Variants in SNTG1 observed in about 807,000 individuals in gnomAD.
SNTG1 encodes the protein gamma-1-syntrophin.
A neutral mutation model predicts 74.7 loss-of-function variants in SNTG1; 39 were observed. The observed-to-expected ratio is 0.52, with a 90% CI of 0.40 to 0.68. SNTG1 has a LOEUF of 0.68. Ranked by LOEUF, SNTG1 falls within the 30% of genes least tolerant of loss-of-function variation. The pLI is 0.00. For synonymous variants in SNTG1, 254 were observed against 217.1 expected (o/e 1.17, Z -1.49); for missense variants, 685 against 609.5 (o/e 1.12, Z -1.30).
At chr8:49,946,602 AT>A (rs994444842) in intron 1 of SNTG1, among the ~76,000 whole-genome samples, 46 of 151,768 alleles carry the variant, frequency 3.0e-4, no homozygotes, top group South Asian at 6.2e-4. Flanking sequence ...TAAAAAGCTG[AT>A]TTTTTTTTCT....
chr8:49,985,469 C>T (rs1389858159), intron 1 of SNTG1, among the ~76,000 whole-genome samples: 1 of 152,128 alleles, frequency 6.6e-6, no homozygotes, highest in African/African-American at 2.4e-5. Flanking sequence ...ATTGAAATCA[C>T]ATTTCTTATT....
At chr8:50,386,468 T>C (rs536659852) in intron 2 of SNTG1, among the ~76,000 whole-genome samples, 328 of 151,864 alleles carry the variant, frequency 2.2e-3, no homozygotes, top group Non-Finnish European at 3.8e-3. Context: ...CATACACCTG[T>C]GGTAGGGTAT....
At chr8:50,458,200 G>GAA (rs113453055) in intron 8 of SNTG1, 91,496 of 148,660 alleles carry the variant, frequency 0.62, 30,608 homozygotes, top group East Asian at 0.76. Context: ...GCTAAAACAG[G>GAA]AAAAAAAAAA....
chr8:50,695,317 T>TA (rs143459419), intron 15 of SNTG1, among the ~76,000 whole-genome samples: 4,201 of 151,856 alleles, frequency 0.028, 202 homozygotes, highest in African/African-American at 0.097. Flanking sequence ...ACCAATGTTT[T>TA]AAAAAAATCA....
At chr8:50,142,363 A>T (rs1229427615) in intron 1 of SNTG1, among the ~76,000 whole-genome samples, 1 of 152,022 alleles carries the variant, frequency 6.6e-6, no homozygotes, top group African/African-American at 2.4e-5. Flanking sequence ...AGCTATAAAC[A>T]AAGAAAAGTG....
intron 2 of SNTG1, among the ~76,000 whole-genome samples, chr8:50,365,236 C>A (rs1026719439): frequency 5.9e-5 from 9 of 152,076 alleles, no homozygotes; most frequent in African/African-American, 2.2e-4. Context: ...ATTGATTTTT[C>A]TCTTCAATGT....
chr8:50,704,857 A>T, intron 16 of SNTG1, 105 bp downstream of exon 16: 1 of 1,330,748 alleles, frequency 7.5e-7, no homozygotes, highest in Non-Finnish European at 1.0e-6. Flanking sequence ...CAGTTCTGGG[A>T]ATCTTGACCT....
At chr8:50,151,809 T>A (rs889160817) in intron 1 of SNTG1, among the ~76,000 whole-genome samples, 1 of 152,220 alleles carries the variant, frequency 6.6e-6, no homozygotes, top group East Asian at 1.9e-4. Context: ...TTACATTTGC[T>A]AAGGAGTGCT....
chr8:50,724,505 A>G (rs1317365963), intron 17 of SNTG1, among the ~76,000 whole-genome samples: 1 of 152,162 alleles, frequency 6.6e-6, no homozygotes, highest in East Asian at 1.9e-4. Flanking sequence ...GTCAAGCATT[A>G]TTTTTAAAAG....
chr8:50,099,655 A>G (rs941064203), intron 1 of SNTG1, among the ~76,000 whole-genome samples: 2 of 152,064 alleles, frequency 1.3e-5, no homozygotes, highest in Admixed American at 6.6e-5. Context: ...AGCATTTGCT[A>G]TCTTTTATCT....
At chr8:49,990,559 G>A (rs1473498474) in intron 1 of SNTG1, among the ~76,000 whole-genome samples, 1 of 152,006 alleles carries the variant, frequency 6.6e-6, no homozygotes, top group Admixed American at 6.5e-5. Flanking sequence ...AATACATAAT[G>A]TATTACAAAA....
At chr8:50,395,899 G>A (rs976588789) in intron 3 of SNTG1, among the ~76,000 whole-genome samples, 3 of 152,072 alleles carry the variant, frequency 2.0e-5, no homozygotes, top group Non-Finnish European at 4.4e-5. Flanking sequence ...GAGTAGTAAG[G>A]CATTCATTGA....
rs550824973 is a variant in SNTG1 at position 50,412,958 on chromosome 8, G to A, written c.162+10614G>A. On this transcript the variant is annotated intron_variant, in intron 4 of 18. Transcript: ENST00000642720. ...GGTTTTAGAGCGGTGTACAATGGAA[G>A]TTGAATTGAGACCAAAAAAGCTTAG... 3.3e-5 allele frequency among the ~76,000 whole-genome samples: 5 copies of A among 152,284 alleles called. No homozygotes were observed. The South Asian group carries it at 1.0e-3, about 32-fold the overall frequency.
chr8:50,438,359 T>C (rs1224752413), intron 4 of SNTG1, among the ~76,000 whole-genome samples, 184 bp from the exon 5 acceptor site: 3 of 152,206 alleles, frequency 2.0e-5, no homozygotes, highest in Non-Finnish European at 4.4e-5. Flanking sequence ...CAAGTAACCC[T>C]TTGATTTAAA....
chr8:50,036,571 C>T (rs77045309), intron 1 of SNTG1, among the ~76,000 whole-genome samples: 8,523 of 152,292 alleles, frequency 0.056, 324 homozygotes, highest in Middle Eastern at 0.1. Context: ...CTAGACGAGA[C>T]CTCCTGATGG....
In SNTG1 at chr8:50,192,541, T is replaced by G. The variant is rs372573994; in HGVS notation, c.-28+19906T>G. On this transcript the variant is annotated intron_variant, in intron 2 of 18. Coordinates refer to ENST00000642720, the MANE Select transcript of SNTG1 (RefSeq NM_018967.5). ...TGATTTGTTTGAGTTTGTTGTAGAT[T>G]GTGGATATTAGTCCTTTGTCAGATG... 3.3e-5 allele frequency among the ~76,000 whole-genome samples: 5 copies of G among 152,302 alleles called. No individual in the cohort carries two copies. In the South Asian group the frequency reaches 6.2e-4, roughly 19 times the overall value.
chr8:49,946,856 T>C (rs1324097306), intron 1 of SNTG1, among the ~76,000 whole-genome samples: 1 of 152,246 alleles, frequency 6.6e-6, no homozygotes, highest in Non-Finnish European at 1.5e-5. Context: ...TCCACTTCAA[T>C]TACATTGCAT....
chr8:50,044,849 TAAGAGATGATTTTATG>T (rs1437771982), intron 1 of SNTG1, among the ~76,000 whole-genome samples: 6 of 152,188 alleles, frequency 3.9e-5, no homozygotes, highest in Admixed American at 6.5e-5. Flanking sequence ...TATAAGGACT[TAAGAGATGATTTTATG>T]GTTATAAGGA....
intron 2 of SNTG1, among the ~76,000 whole-genome samples, chr8:50,248,325 A>G (rs1241638843): frequency 6.6e-6 from 1 of 152,204 alleles, no homozygotes; most frequent in African/African-American, 2.4e-5. Context: ...GACTTGTCAA[A>G]TAAAAGTGAC....
Sources: gnomAD v4.1 joint callset for allele counts (sites outside exome capture counted in the v4.1 genomes callset) on GRCh38, gnomAD v4.1.1 for gene constraint, MANE v1.5 for transcripts, NCBI Gene and HGNC (gene_info 2026-07-23, HGNC 2026-07-21) for gene names.